The following DOCK2 variants were observed in gnomAD, a reference collection of about 807,000 sequenced individuals.
The protein encoded by DOCK2 is dedicator of cytokinesis protein 2.
Under a neutral mutation model 248.9 loss-of-function variants are expected in DOCK2, and 87 were observed. The observed-to-expected ratio is 0.35, with a 90% confidence interval of 0.29 to 0.42. The LOEUF (loss-of-function observed/expected upper bound fraction) is 0.42. Ranked by LOEUF, DOCK2 falls within the 10% of genes least tolerant of loss-of-function variation. DOCK2 has a pLI of 1.00. For synonymous variants in DOCK2, 805 were observed against 821.6 expected (o/e 0.98, Z 0.35); for missense variants, 1,747 against 2,300.2 (o/e 0.76, Z 4.92).
chr5:169,943,647 A>C (rs1298659708), intron 27 of DOCK2, among the ~76,000 whole-genome samples: 1 of 152,052 alleles, frequency 6.6e-6, no homozygotes, highest in African/African-American at 2.4e-5. Flanking sequence ...CAGGCATTAG[A>C]GTTTGCAGAT....
At chr5:169,824,849 G>A (rs1211858803) in intron 26 of DOCK2, among the ~76,000 whole-genome samples, 1 of 152,038 alleles carries the variant, frequency 6.6e-6, no homozygotes, top group Admixed American at 6.6e-5. Context: ...CTACAGAATG[G>A]GAGAAAATTT....
chr5:169,720,430 AT>A (rs2113567504), intron 22 of DOCK2, among the ~76,000 whole-genome samples: 1 of 151,602 alleles, frequency 6.6e-6, no homozygotes, highest in South Asian at 2.1e-4. Flanking sequence ...TCTCTCCTAT[AT>A]TTCTTTCCTT....
At chr5:169,733,392 T>C (rs1043568976) in intron 22 of DOCK2, among the ~76,000 whole-genome samples, 1 of 151,712 alleles carries the variant, frequency 6.6e-6, no homozygotes, top group Non-Finnish European at 1.5e-5. Context: ...TTTTACTTTC[T>C]AAAAATAACT....
rs552172176 is a variant in DOCK2 at position 169,992,138 on chromosome 5, T to C, written c.2994-3948T>C. ...GATTTTACATGTACTGGCTGGGCTA[T>C]TGGGAAAGTTACCTAAACTCACGTC... On this transcript the variant is annotated intron_variant, in intron 29 of 51. Coordinates refer to ENST00000520908, the MANE Select transcript of DOCK2 (RefSeq NM_004946.3). Among the ~76,000 whole-genome samples, 12 of 152,278 alleles carry C rather than the reference T, an allele frequency of 7.9e-5. No individual in the cohort carries two copies. In the East Asian group the frequency reaches 1.9e-3, roughly 25 times the overall value.
intron 25 of DOCK2, among the ~76,000 whole-genome samples, chr5:169,789,730 T>C (rs1766210319): frequency 1.3e-5 from 2 of 152,226 alleles, no homozygotes; most frequent in Admixed American, 1.3e-4. Context: ...TCCCCTTGGC[T>C]CTTTTTCACA....
At chr5:169,648,294 C>A (rs745757447) in intron 1 of DOCK2, among the ~76,000 whole-genome samples, 1 of 152,120 alleles carries the variant, frequency 6.6e-6, no homozygotes, top group Non-Finnish European at 1.5e-5. Context: ...CGACTCCCCT[C>A]CCCCAGGTTG....
At chr5:169,781,897 A>G (rs184464305) in intron 25 of DOCK2, among the ~76,000 whole-genome samples, 20 of 152,204 alleles carry the variant, frequency 1.3e-4, no homozygotes, top group Admixed American at 1.2e-3. Flanking sequence ...CATCAGGCTC[A>G]TCCCTGCCGA....
At chr5:169,758,247 G>A (rs758447740) in intron 23 of DOCK2, among the ~76,000 whole-genome samples, 1 of 152,114 alleles carries the variant, frequency 6.6e-6, no homozygotes, top group Non-Finnish European at 1.5e-5. Flanking sequence ...AAAGCAAGTT[G>A]CAGACATGTA....
intron 22 of DOCK2, among the ~76,000 whole-genome samples, chr5:169,724,584 A>G (rs997544513): frequency 2.4e-4 from 36 of 151,594 alleles, no homozygotes; most frequent in Non-Finnish European, 3.1e-4. Context: ...CCTGCACTGG[A>G]GCTGCCACCA....
At position 170,008,561 on chromosome 5, in the gene DOCK2, A is replaced by G. The variant is rs1377213187; in HGVS notation, c.3137A>G (p.Gln1046Arg). ...ACCCAGGATTCTCTGCAGCTGGAGCAGTTCTCACACGCCAAATACAACAAA... is the reference window on the plus strand; with the variant it reads ...ACCCAGGATTCTCTGCAGCTGGAGCGGTTCTCACACGCCAAATACAACAAA... The part of the protein sequence containing the change: ...FITQDSLQLE[Q>R]FSHAKYNKIL... Residue 1046 changes from glutamine to arginine, a missense_variant, in exon 31 of 52, where the codon CAG becomes CGG. By Grantham distance (43) the Gln-to-Arg change is conservative. Transcript: ENST00000520908. 4 of 1,614,024 alleles carry G rather than the reference A, an allele frequency of 2.5e-6. No individual in the cohort carries two copies. Among genetic ancestry groups the G allele is most frequent in the South Asian group, 2.2e-5 (2 of 91,094 alleles).
At chr5:169,812,739 C>T (rs1253237788) in intron 26 of DOCK2, among the ~76,000 whole-genome samples, 1 of 152,254 alleles carries the variant, frequency 6.6e-6, no homozygotes, top group Non-Finnish European at 1.5e-5. Context: ...TTCCGATTCA[C>T]TCATATGCTC....
chr5:170,005,006 A>C (rs545046474), intron 30 of DOCK2, among the ~76,000 whole-genome samples: 7 of 150,178 alleles, frequency 4.7e-5, no homozygotes, highest in Non-Finnish European at 8.9e-5. Context: ...AGCATGGCAT[A>C]TGTATACATA....
At position 169,766,498 on chromosome 5, in the gene DOCK2, G is replaced by A. The variant is rs139961730; in HGVS notation, c.2554+4873G>A. On this transcript the variant is annotated intron_variant, in intron 25 of 51. Coordinates refer to ENST00000520908, the MANE Select transcript of DOCK2 (RefSeq NM_004946.3). ...CAGCGCGTGTTTAGGTTGATTCCAC[G>A]TCTTTGCTATTGTGAATAAAGCTGT... 5.9e-5 allele frequency among the ~76,000 whole-genome samples: 9 copies of A among 152,248 alleles called. 1 individual carries two copies. Among genetic ancestry groups the A allele is most frequent in the Admixed American group, 5.2e-4 (8 of 15,296 alleles).
chr5:169,890,601 C>T (rs1773225528), intron 27 of DOCK2, among the ~76,000 whole-genome samples: 4 of 152,142 alleles, frequency 2.6e-5, no homozygotes, highest in Admixed American at 2.0e-4. Context: ...CCTAAATCTA[C>T]ATTCTGTTGT....
chr5:169,972,586 T>TAGATAGATGATAGATA (rs1554122913), intron 27 of DOCK2, among the ~76,000 whole-genome samples: 39 of 69,030 alleles, frequency 5.6e-4, no homozygotes, highest in Admixed American at 1.8e-3. Flanking sequence ...GATAGATAGA[T>TAGATAGATGATAGATA]GATAGATAGA....
At chr5:169,650,041 T>C (rs1757712522) in intron 1 of DOCK2, among the ~76,000 whole-genome samples, 1 of 152,182 alleles carries the variant, frequency 6.6e-6, no homozygotes, top group Non-Finnish European at 1.5e-5. Flanking sequence ...TGACCTCAAG[T>C]GATCCACCTG....
At chr5:169,848,118 C>T (rs1315008394) in intron 27 of DOCK2, among the ~76,000 whole-genome samples, 4 of 152,060 alleles carry the variant, frequency 2.6e-5, no homozygotes, top group Non-Finnish European at 5.9e-5. Context: ...AACTTGCTGC[C>T]AATTATAATG....
At chr5:169,851,107 G>A (rs1010647460) in intron 27 of DOCK2, among the ~76,000 whole-genome samples, 5 of 152,126 alleles carry the variant, frequency 3.3e-5, no homozygotes, top group Non-Finnish European at 5.9e-5. Flanking sequence ...CCTTCCATCC[G>A]TGGTGTGTAG....
chr5:169,659,327 T>G (rs1331476816), intron 2 of DOCK2, among the ~76,000 whole-genome samples: 1 of 152,194 alleles, frequency 6.6e-6, no homozygotes, highest in Non-Finnish European at 1.5e-5. Flanking sequence ...CTCCTGAGCT[T>G]CTTATGGGGA....
Sources: gnomAD v4.1 joint callset for allele counts (sites outside exome capture counted in the v4.1 genomes callset) on GRCh38, gnomAD v4.1.1 for gene constraint, MANE v1.5 for transcripts, NCBI Gene and HGNC (gene_info 2026-07-23, HGNC 2026-07-21) for gene names.